Variants in SPIN1 observed in about 807,000 individuals in gnomAD.
SPIN1 encodes the protein spindlin 1, also known as spindlin-1.
SPIN1 carries 3 observed loss-of-function variants against 26.0 expected under a neutral mutation model. That is an observed-to-expected ratio of 0.12 (90% CI 0.05 to 0.30). SPIN1 has a LOEUF of 0.30. Among genes scored for constraint, SPIN1 ranks in the 10% least tolerant of loss-of-function variants. The probability of loss-of-function intolerance (pLI) is 1.00; values close to 1 mark genes in which losing one functional copy is unlikely to be tolerated. For missense variants in SPIN1, 126 were observed against 333.4 expected (o/e 0.38, Z 4.84); for synonymous variants, 101 against 116.5 (o/e 0.87, Z 0.86).
At chr9:88,392,620 T>C (rs1046200395) in intron 1 of SPIN1, among the ~76,000 whole-genome samples, 7 of 151,920 alleles carry the variant, frequency 4.6e-5, no homozygotes, top group Admixed American at 6.6e-5. Flanking sequence ...TCCTTCCTTC[T>C]TTCCTTCCTT....
At chr9:88,417,049 A>G (rs1824583414) in intron 1 of SPIN1, among the ~76,000 whole-genome samples, 1 of 152,230 alleles carries the variant, frequency 6.6e-6, no homozygotes, top group Non-Finnish European at 1.5e-5. Context: ...GAACCATTTG[A>G]AAGTTGCATT....
intron 4 of SPIN1, 134 bp from the exon 5 acceptor site, chr9:88,468,238 C>T: frequency 1.8e-6 from 1 of 564,388 alleles, no homozygotes; most frequent in Non-Finnish European, 2.9e-6. Flanking sequence ...TTAAAGCTTT[C>T]CCAGATTCTG....
At chr9:88,431,882 C>T (rs891022434) in intron 2 of SPIN1, among the ~76,000 whole-genome samples, 2 of 151,918 alleles carry the variant, frequency 1.3e-5, no homozygotes, top group African/African-American at 4.8e-5. Flanking sequence ...GACCCCTTCT[C>T]TACAAAAAAT....
intron 3 of SPIN1, among the ~76,000 whole-genome samples, chr9:88,458,618 G>C (rs935168664): frequency 6.6e-6 from 1 of 152,178 alleles, no homozygotes; most frequent in African/African-American, 2.4e-5. Context: ...CATAGGTCAC[G>C]TTTATGTTGG....
chr9:88,392,530 G>C (rs554629404), intron 1 of SPIN1, among the ~76,000 whole-genome samples: 2 of 152,106 alleles, frequency 1.3e-5, no homozygotes, highest in South Asian at 4.1e-4. Context: ...AGAGGCCATC[G>C]GGGATTTCAA....
At chr9:88,395,342 ACAC>A (rs1827031110) in intron 1 of SPIN1, among the ~76,000 whole-genome samples, 4 of 102,670 alleles carry the variant, frequency 3.9e-5, no homozygotes, top group African/African-American at 1.7e-4. Flanking sequence ...CGTTCTATGC[ACAC>A]TGCTCTGCCG....
chr9:88,443,888 C>T (rs1828190101), intron 2 of SPIN1, among the ~76,000 whole-genome samples: 1 of 151,994 alleles, frequency 6.6e-6, no homozygotes, highest in Non-Finnish European at 1.5e-5. Context: ...TGTAGGGGTC[C>T]TCTTAAGAGA....
At chr9:88,440,917 G>T (rs1828109235) in intron 2 of SPIN1, among the ~76,000 whole-genome samples, 1 of 148,528 alleles carries the variant, frequency 6.7e-6, no homozygotes. Flanking sequence ...CCTCCCCTTT[G>T]TGTTTTCTTA....
chr9:88,443,033 T>C (rs910599077), intron 2 of SPIN1, among the ~76,000 whole-genome samples: 4 of 149,916 alleles, frequency 2.7e-5, no homozygotes, highest in Non-Finnish European at 5.9e-5. Context: ...GGCAGGCGAA[T>C]CGCTTGAACC....
At chr9:88,460,084 G>A (rs1226265496) in intron 3 of SPIN1, among the ~76,000 whole-genome samples, 1 of 152,096 alleles carries the variant, frequency 6.6e-6, no homozygotes, top group East Asian at 1.9e-4. Context: ...GTTTTCCTGT[G>A]GGGTGCATTA....
At chr9:88,444,830 A>G (rs1345770990) in intron 2 of SPIN1, among the ~76,000 whole-genome samples, 2 of 151,608 alleles carry the variant, frequency 1.3e-5, no homozygotes, top group South Asian at 2.1e-4. Context: ...AGCTGGGACT[A>G]CAGGTGACCA....
chr9:88,431,039 C>A (rs1827858276), intron 2 of SPIN1, among the ~76,000 whole-genome samples: 1 of 152,050 alleles, frequency 6.6e-6, no homozygotes, highest in African/African-American at 2.4e-5. Context: ...TGCACCACCA[C>A]ACTCGGCTAA....
intron 3 of SPIN1, among the ~76,000 whole-genome samples, chr9:88,459,946 G>A (rs1828544805): frequency 6.6e-6 from 1 of 152,142 alleles, no homozygotes; most frequent in Admixed American, 6.5e-5. Context: ...GGCATAGAGT[G>A]TTGCTGTCAA....
At chr9:88,423,031 G>A (rs1827701004) in intron 1 of SPIN1, among the ~76,000 whole-genome samples, 1 of 152,120 alleles carries the variant, frequency 6.6e-6, no homozygotes, top group South Asian at 2.1e-4. Flanking sequence ...CTTATCTGGA[G>A]TTTTGCGTTC....
chr9:88,392,129 C>T (rs1250107101), intron 1 of SPIN1, among the ~76,000 whole-genome samples: 1 of 152,104 alleles, frequency 6.6e-6, no homozygotes, highest in Non-Finnish European at 1.5e-5. Flanking sequence ...GCAGCTGACG[C>T]CAGTAGATGT....
chr9:88,402,626 T>G (rs1827215700), intron 1 of SPIN1, among the ~76,000 whole-genome samples: 1 of 152,142 alleles, frequency 6.6e-6, no homozygotes, highest in African/African-American at 2.4e-5. Flanking sequence ...TCACCCATGT[T>G]GCTGCAAACA....
intron 2 of SPIN1, among the ~76,000 whole-genome samples, chr9:88,428,468 A>G (rs1164563525): frequency 1.3e-5 from 2 of 152,226 alleles, no homozygotes; most frequent in African/African-American, 4.8e-5. Flanking sequence ...CACTTAGGAT[A>G]ATGGCCTCTA....
At chr9:88,444,698 T>TC (rs1564035075) in intron 2 of SPIN1, among the ~76,000 whole-genome samples, 1 of 147,986 alleles carries the variant, frequency 6.8e-6, no homozygotes, top group Non-Finnish European at 1.5e-5. Flanking sequence ...TTTCTTTTTT[T>TC]TTTTTTTTTT....
At chr9:88,405,651 C>G (rs1010197373) in intron 1 of SPIN1, among the ~76,000 whole-genome samples, 5 of 147,650 alleles carry the variant, frequency 3.4e-5, no homozygotes, top group African/African-American at 5.1e-5. Context: ...TCAAGTGATT[C>G]TTCTGCCTCA....
Sources: gnomAD v4.1 joint callset for allele counts (sites outside exome capture counted in the v4.1 genomes callset) on GRCh38, gnomAD v4.1.1 for gene constraint, MANE v1.5 for transcripts, NCBI Gene and HGNC (gene_info 2026-07-23, HGNC 2026-07-21) for gene names.